CARD8: variants seen among roughly 807,000 people sequenced by gnomAD.
The protein encoded by CARD8 is caspase recruitment domain-containing protein 8.
Under a neutral mutation model 53.2 loss-of-function variants are expected in CARD8, and 38 were observed. That is an observed-to-expected ratio of 0.71 (90% CI 0.55 to 0.94). CARD8 has a LOEUF of 0.94. Among genes scored for constraint, CARD8 ranks in the 40% least tolerant of loss-of-function variants. The pLI, the probability that CARD8 is intolerant of heterozygous loss-of-function variation, is 0.00. For synonymous variants in CARD8, 245 were observed against 244.9 expected, an observed-to-expected ratio of 1.00 and a Z score of 0.00; for missense variants, 561 against 655.5, an observed-to-expected ratio of 0.86 and a Z score of 1.57.
chr19:48,255,302 G>A (rs137889076), intron 1 of CARD8, among the ~76,000 whole-genome samples: 12 of 152,268 alleles, frequency 7.9e-5, no homozygotes, highest in African/African-American at 2.9e-4. Context: ...GGAGGCAGAG[G>A]TTGCAGTGAG....
chr19:48,203,271 T>C (rs3014), downstream of CARD8: 47,760 of 152,114 alleles, frequency 0.31, 7,860 homozygotes, highest in East Asian at 0.52. Context: ...GTAGTCTCTC[T>C]AAAGAGCCAT....
At chr19:48,238,553 T>C (rs987339254) in intron 4 of CARD8, 21 bp from the exon 5 acceptor site, 7 of 1,535,938 alleles carry the variant, frequency 4.6e-6, no homozygotes, top group South Asian at 1.2e-5. Context: ...ACAAATGGAA[T>C]TGGAATGTGA....
At chr19:48,239,479 T>C (rs918919379) in intron 4 of CARD8, among the ~76,000 whole-genome samples, 1 of 150,412 alleles carries the variant, frequency 6.6e-6, no homozygotes, top group African/African-American at 2.5e-5. Context: ...AGACTTTTTT[T>C]TTTTTTTTTT....
rs182337605 is a variant in CARD8, at chr19:48,211,701, T to G, written c.*9A>C. The G allele has an allele frequency of 3.7e-5, 59 of 1,612,688 alleles. No individual in the cohort carries two copies. In the Admixed American group the frequency reaches 8.7e-4, roughly 24 times the overall value. ...GATTCTCTCTTCCAGACTACCTAACTGACTCATTTTACAAATTCTGCTGTC... is the reference window on the plus strand; with the variant it reads ...GATTCTCTCTTCCAGACTACCTAACGGACTCATTTTACAAATTCTGCTGTC... On this transcript the variant is annotated 3_prime_UTR_variant, in exon 14 of 14. Transcript: ENST00000651546.
rs187780835 is a variant in CARD8 at position 48,245,248 on chromosome 19, C to T, written c.-43-4185G>A. Among the ~76,000 whole-genome samples the T allele has an allele frequency of 1.7e-3, 258 of 152,248 alleles. 1 individual carries two copies. The highest frequency in any genetic ancestry group is 5.9e-3 in the African/African-American group (246 of 41,536). Reference sequence around the variant, plus strand: ...TCTTTGAGACGGGGCCTCCCTCTGTCGCTCAGGCTGTAGAGAAGTGGCACA... The same window carrying T: ...TCTTTGAGACGGGGCCTCCCTCTGTTGCTCAGGCTGTAGAGAAGTGGCACA... On this transcript the variant is annotated intron_variant, in intron 3 of 13. Transcript: ENST00000651546.
chr19:48,223,639 A>C (rs1293251875), intron 10 of CARD8: 1 of 304,890 alleles, frequency 3.3e-6, no homozygotes, highest in African/African-American at 2.2e-5. Context: ...ACAGATTAGA[A>C]CTAAATCACC....
chr19:48,244,695 C>G (rs1388489106), intron 3 of CARD8, among the ~76,000 whole-genome samples: 1 of 152,062 alleles, frequency 6.6e-6, no homozygotes, highest in African/African-American at 2.4e-5. Context: ...TGCATATAAT[C>G]AGGCATGGAA....
At position 48,233,234 on chromosome 19, in the gene CARD8, T is replaced by C. The variant is rs138056492; in HGVS notation, c.351-741A>G. On this transcript the variant is annotated intron_variant, in intron 6 of 13. Coordinates refer to ENST00000651546, the MANE Select transcript of CARD8 (RefSeq NM_001184900.3). ...TACAGCGTGAGCCAATGGTTCGTCA[T>C]GCCTCTGGAGAGAAACCTGCCCTAA... The C allele has an allele frequency of 2.3e-3, 994 of 427,088 alleles. 6 individuals are homozygous for C. The highest frequency in any genetic ancestry group is 0.017 in the African/African-American group (848 of 49,054). The allele number at this position is 427,088 out of a possible 1,614,324, so 26.5% of individuals were successfully genotyped here. A position where few individuals can be genotyped will look rare whatever the true frequency, so the allele number is the denominator to read the frequency against.
intron 3 of CARD8, among the ~76,000 whole-genome samples, chr19:48,247,725 ATATAC>A (rs1568936024): frequency 6.7e-6 from 1 of 149,812 alleles, no homozygotes; most frequent in Non-Finnish European, 1.5e-5. Flanking sequence ...TTTTATATAT[ATATAC>A]TATACTTTCA....
At chr19:48,244,112 A>G (rs2045706101) in intron 3 of CARD8, among the ~76,000 whole-genome samples, 1 of 152,044 alleles carries the variant, frequency 6.6e-6, no homozygotes, top group Non-Finnish European at 1.5e-5. Context: ...ATATTCAAAA[A>G]TGAGAAATAA....
chr19:48,204,150 G>A (rs1390853931), downstream of CARD8: 3 of 455,248 alleles, frequency 6.6e-6, no homozygotes, highest in South Asian at 3.1e-5. Flanking sequence ...TCTGGGTGAG[G>A]AGGCGGACGC....
chr19:48,224,144 T>A (rs1350160706), intron 10 of CARD8, among the ~76,000 whole-genome samples: 1 of 152,186 alleles, frequency 6.6e-6, no homozygotes, highest in African/African-American at 2.4e-5. Flanking sequence ...GTATTTTTAG[T>A]AGAGACGGAG....
At chr19:48,230,151 C>A (rs1284256397) in intron 10 of CARD8, among the ~76,000 whole-genome samples, 3 of 152,034 alleles carry the variant, frequency 2.0e-5, no homozygotes. Flanking sequence ...AAAATCTCTG[C>A]ATCTTCTCTG....
chr19:48,205,674 A>T (rs562585923), downstream of CARD8, among the ~76,000 whole-genome samples: 30 of 152,290 alleles, frequency 2.0e-4, no homozygotes, highest in African/African-American at 6.5e-4. Flanking sequence ...AAACTGCACC[A>T]CAGAGAGGTT....
At chr19:48,229,876 G>GC (rs2042511611) in intron 10 of CARD8, among the ~76,000 whole-genome samples, 1 of 152,174 alleles carries the variant, frequency 6.6e-6, no homozygotes, top group Non-Finnish European at 1.5e-5. Flanking sequence ...ACTTCGGGAG[G>GC]CCAAGGCAGG....
chr19:48,231,558 C>T (rs1366329989), intron 8 of CARD8, 102 bp downstream of exon 8: 2 of 1,200,282 alleles, frequency 1.7e-6, no homozygotes, highest in South Asian at 1.5e-5. Context: ...CCTCCTCCAC[C>T]TCCCAAAGTG....
At chr19:48,234,159 C>T (rs2043429132) in intron 6 of CARD8, 2 of 437,992 alleles carry the variant, frequency 4.6e-6, no homozygotes, top group Non-Finnish European at 4.1e-6. Context: ...CAATAACCCA[C>T]TGGTCTTCGA....
Position 48,209,001 on chromosome 19 carries a change from A to C in CARD8, c.*2709T>G, listed in dbSNP as rs1313143987. 1 of 152,038 alleles carries C rather than the reference A, an allele frequency of 6.6e-6. No individual in the cohort carries two copies. The highest frequency in any genetic ancestry group is 1.5e-5 in the Non-Finnish European group (1 of 68,922). The allele number at this position is 152,038 out of a possible 1,614,324, so 9.4% of individuals were successfully genotyped here. ...TCCATCTCAAAAAAAAAAAAAAAAAAAAAAAAATACTCAAATGTGCCAGGT... is the reference window on the plus strand; with the variant it reads ...TCCATCTCAAAAAAAAAAAAAAAAACAAAAAAATACTCAAATGTGCCAGGT... On this transcript the variant is annotated 3_prime_UTR_variant, in exon 14 of 14. Coordinates refer to ENST00000651546, the MANE Select transcript of CARD8 (RefSeq NM_001184900.3).
At chr19:48,213,171 C>G (rs1161551460) in intron 13 of CARD8, 1 of 152,198 alleles carries the variant, frequency 6.6e-6, no homozygotes, top group African/African-American at 2.4e-5. Flanking sequence ...AATTTCACTC[C>G]ATTTAAGTTG....
Sources: gnomAD v4.1 joint callset for allele counts (sites outside exome capture counted in the v4.1 genomes callset) on GRCh38, gnomAD v4.1.1 for gene constraint, MANE v1.5 for transcripts, NCBI Gene and HGNC (gene_info 2026-07-23, HGNC 2026-07-21) for gene names.